AP3S2: variants seen among roughly 807,000 people sequenced by gnomAD.
AP3S2 encodes adaptor related protein complex 3 subunit sigma 2, also known as AP-3 complex subunit sigma-2.
AP3S2 carries 22 observed loss-of-function variants against 23.4 expected under a neutral mutation model. The ratio of observed to expected loss-of-function variants is 0.94; its 90% CI spans 0.67 to 1.34. AP3S2 has a LOEUF of 1.34. AP3S2 is among the 40% of genes most tolerant of loss of function. The probability of loss-of-function intolerance (pLI) is 0.00; values close to 1 mark genes in which losing one functional copy is unlikely to be tolerated. For synonymous variants in AP3S2, 86 were observed against 87.1 expected (o/e 0.99, Z 0.07); for missense variants, 241 against 236.9 (o/e 1.02, Z -0.11).
In AP3S2 at chr15:89,831,111, T is replaced by G. The variant is rs1235340166; in HGVS notation, c.*4404A>C. 1 of 152,224 alleles carries G rather than the reference T, an allele frequency of 6.6e-6. No individual in the cohort carries two copies. The highest frequency in any genetic ancestry group is 6.5e-5 in the Admixed American group (1 of 15,286). The allele number at this position is 152,224 out of a possible 1,614,324, so 9.4% of individuals were successfully genotyped here. A position where few individuals can be genotyped will look rare whatever the true frequency, so the allele number is the denominator to read the frequency against. Reference sequence around the variant, plus strand: ...GTATTTCCTTTTTTGAAAGGAAAATTGAAATAGGAAAAAATTTTAAGTCTT... The same window carrying G: ...GTATTTCCTTTTTTGAAAGGAAAATGGAAATAGGAAAAAATTTTAAGTCTT... On this transcript the variant is annotated 3_prime_UTR_variant, in exon 6 of 6. Transcript: ENST00000336418.
chr15:89,883,333 C>T (rs1332656393), intron 3 of AP3S2, among the ~76,000 whole-genome samples: 2 of 151,980 alleles, frequency 1.3e-5, no homozygotes. Context: ...TATGTCACTT[C>T]TTCATTTGTT....
intron 4 of AP3S2, among the ~76,000 whole-genome samples, chr15:89,869,827 C>T (rs918700190): frequency 6.6e-5 from 10 of 151,752 alleles, no homozygotes; most frequent in South Asian, 2.1e-4. Flanking sequence ...GACCTCGGCT[C>T]ACTGCAACCT....
At position 89,859,312 on chromosome 15, in the gene AP3S2, C is replaced by A. The variant is rs1287575480; in HGVS notation, c.345+12163G>T. On this transcript the variant is annotated intron_variant, in intron 4 of 5. Transcript: ENST00000336418. ...TTCTTTTCTTTTTCTTCCTTCCTTCCTTTCCTTCCTTCCTTTTTCCTTCCT... is the reference window on the plus strand; with the variant it reads ...TTCTTTTCTTTTTCTTCCTTCCTTCATTTCCTTCCTTCCTTTTTCCTTCCT... Among the ~76,000 whole-genome samples, 6 of 142,966 alleles carry A rather than the reference C, an allele frequency of 4.2e-5. No homozygotes were observed. In the East Asian group the frequency reaches 1.2e-3, roughly 29 times the overall value. The allele number at this position is 142,966 out of a possible 152,430, so 93.8% of individuals were successfully genotyped here. A position where few individuals can be genotyped will look rare whatever the true frequency, so the allele number is the denominator to read the frequency against.
chr15:89,882,605 C>T (rs917790958), intron 3 of AP3S2, among the ~76,000 whole-genome samples: 2 of 152,214 alleles, frequency 1.3e-5, no homozygotes, highest in South Asian at 4.2e-4. Context: ...GTGATCTGCC[C>T]GCCTCGGCCT....
At chr15:89,856,287 G>C (rs1426185433) in intron 4 of AP3S2, among the ~76,000 whole-genome samples, 1 of 152,222 alleles carries the variant, frequency 6.6e-6, no homozygotes, top group Non-Finnish European at 1.5e-5. Flanking sequence ...CCTTGGCTGG[G>C]TGCAGTGGCT....
intron 5 of AP3S2, among the ~76,000 whole-genome samples, chr15:89,837,138 A>T (rs1055031316): frequency 6.6e-6 from 1 of 152,162 alleles, no homozygotes; most frequent in Non-Finnish European, 1.5e-5. Flanking sequence ...ACTCTACTGT[A>T]GTTTTTTATA....
chr15:89,876,439 A>G (rs1427811494), intron 3 of AP3S2: 1 of 152,018 alleles, frequency 6.6e-6, no homozygotes, highest in Non-Finnish European at 1.5e-5. Context: ...AGAAAAAAAA[A>G]AGAAAGAAAG....
Position 89,835,331 on chromosome 15 carries a change from A to G in AP3S2, c.*184T>C, listed in dbSNP as rs1038013122. On this transcript the variant is annotated 3_prime_UTR_variant, in exon 6 of 6. Coordinates refer to ENST00000336418, the MANE Select transcript of AP3S2 (RefSeq NM_005829.5). ...GACTGCACATGTGAGAACTGGGTGC[A>G]CCCGAGCAGTGTCAATAGGAATCCC... 2 of 1,021,320 alleles carry G rather than the reference A, an allele frequency of 2.0e-6. No homozygotes were observed. The highest frequency in any genetic ancestry group is 2.8e-6 in the Non-Finnish European group (2 of 716,062). 63.3% of individuals were successfully genotyped at this position (1,021,320 alleles called of 1,614,324 possible). A position where few individuals can be genotyped will look rare whatever the true frequency, so the allele number is the denominator to read the frequency against.
At chr15:89,866,304 C>T (rs1023013271) in intron 4 of AP3S2, among the ~76,000 whole-genome samples, 5 of 150,814 alleles carry the variant, frequency 3.3e-5, no homozygotes, top group Non-Finnish European at 7.4e-5. Context: ...GTATACTCCA[C>T]GTTGCCTAGA....
intron 4 of AP3S2, among the ~76,000 whole-genome samples, chr15:89,842,928 C>T (rs529988313): frequency 1.3e-5 from 2 of 151,604 alleles, no homozygotes; most frequent in Non-Finnish European, 2.9e-5. Flanking sequence ...GGACTTTATA[C>T]CCAGTCAACT....
chr15:89,874,290 G>C (rs1045821082), intron 3 of AP3S2, among the ~76,000 whole-genome samples: 1 of 152,082 alleles, frequency 6.6e-6, no homozygotes, highest in Non-Finnish European at 1.5e-5. Context: ...AAGGCTGATT[G>C]AAAGCTCTAC....
chr15:89,856,964 TG>T (rs1282614390), intron 4 of AP3S2, among the ~76,000 whole-genome samples: 5 of 152,084 alleles, frequency 3.3e-5, no homozygotes, highest in Admixed American at 1.3e-4. Flanking sequence ...CAACTCTGAC[TG>T]TCCTGTATTG....
rs935899477 is a variant in AP3S2 at position 89,832,731 on chromosome 15, G to C, written c.*2784C>G. ...TCTCGATCTCCTGACCTCGTGATCT[G>C]CCCGCCTCGGCCTCCCAAAGTGCTG... On this transcript the variant is annotated 3_prime_UTR_variant, in exon 6 of 6. Coordinates refer to ENST00000336418, the MANE Select transcript of AP3S2 (RefSeq NM_005829.5). 2.6e-5 allele frequency: 4 copies of C among 151,996 alleles called. No homozygotes were observed. Among genetic ancestry groups the C allele is most frequent in the Non-Finnish European group, 4.4e-5 (3 of 68,032 alleles). The allele number at this position is 151,996 out of a possible 1,614,324, so 9.4% of individuals were successfully genotyped here.
intron 3 of AP3S2, among the ~76,000 whole-genome samples, chr15:89,875,869 G>A (rs771923013): frequency 2.8e-4 from 43 of 151,970 alleles, no homozygotes; most frequent in Non-Finnish European, 4.3e-4. Flanking sequence ...AGCTTGAGCC[G>A]GGGAGACAGA....
intron 4 of AP3S2, chr15:89,865,342 T>A (rs1340342096): frequency 6.6e-6 from 1 of 152,172 alleles, no homozygotes; most frequent in Non-Finnish European, 1.5e-5. Context: ...GCAAGTCACA[T>A]GGCTACACCT....
intron 4 of AP3S2, chr15:89,850,546 T>C (rs1164715712): frequency 3.3e-5 from 5 of 152,436 alleles, no homozygotes; most frequent in South Asian, 4.1e-4. Flanking sequence ...TCCAGACATA[T>C]ACTAATTAAG....
At chr15:89,889,651 T>A (rs1033587369) in intron 1 of AP3S2, among the ~76,000 whole-genome samples, 1 of 151,672 alleles carries the variant, frequency 6.6e-6, no homozygotes, top group Admixed American at 6.6e-5. Context: ...CTGACCAATA[T>A]GGTGAAACCC....
chr15:89,844,229 TTCTTTCTTTC>T (rs1895414913), intron 4 of AP3S2, among the ~76,000 whole-genome samples: 1 of 54,632 alleles, frequency 1.8e-5, no homozygotes, highest in African/African-American at 6.5e-5. Context: ...CTTTCTTTCT[TTCTTTCTTTC>T]TTTCTTTCTT....
intron 4 of AP3S2, chr15:89,848,467 TCTC>T (rs771754776): frequency 1.3e-5 from 2 of 152,346 alleles, no homozygotes; most frequent in Non-Finnish European, 2.9e-5. Flanking sequence ...TTCATGCCAT[TCTC>T]CTGCCTCAAC....
Sources: gnomAD v4.1 joint callset for allele counts (sites outside exome capture counted in the v4.1 genomes callset) on GRCh38, gnomAD v4.1.1 for gene constraint, MANE v1.5 for transcripts, NCBI Gene and HGNC (gene_info 2026-07-23, HGNC 2026-07-21) for gene names.